The following PLEKHB2 variants were observed in gnomAD, a reference collection of about 807,000 sequenced individuals.
PLEKHB2 encodes pleckstrin homology domain-containing family B member 2.
In PLEKHB2, 31 loss-of-function variants were observed where a neutral mutation model predicts 36.5. The observed-to-expected ratio is 0.85, with a 90% confidence interval of 0.64 to 1.15. The LOEUF is 1.15. Among genes scored for constraint, PLEKHB2 ranks in the 50% most tolerant of loss-of-function variants. The pLI, the probability that PLEKHB2 is intolerant of heterozygous loss-of-function variation, is 0.00. For synonymous variants in PLEKHB2, 119 were observed against 112.0 expected (o/e 1.06, Z -0.39); for missense variants, 262 against 295.3 (o/e 0.89, Z 0.83).
In PLEKHB2 at chr2:131,120,625, C is replaced by T. The variant is rs987759723; in HGVS notation, c.-8-309C>T. The T allele has an allele frequency of 3.2e-5, 14 of 433,960 alleles. 1 individual carries two copies. In the Admixed American group the frequency reaches 3.6e-4, roughly 11 times the overall value. The allele number at this position is 433,960 out of a possible 1,614,324, so 26.9% of individuals were successfully genotyped here. A position where few individuals can be genotyped will look rare whatever the true frequency, so the allele number is the denominator to read the frequency against. On this transcript the variant is annotated intron_variant, in intron 1 of 7. Transcript: ENST00000693505. The stretch of plus-strand genomic sequence containing the variant: ...GCTCCAGCAAGCCACGAGAATCCCC[C>T]ATGTCCTTGACAGAGCTAAATCCTG...
chr2:131,132,149 A>T (rs1204942815), intron 5 of PLEKHB2, among the ~76,000 whole-genome samples: 2 of 151,940 alleles, frequency 1.3e-5, no homozygotes, highest in Admixed American at 1.3e-4. Context: ...TTTTTTTTTA[A>T]AGAGCTAACA....
chr2:131,146,789 G>GAA lies in PLEKHB2; in HGVS notation c.*17_*18insAA. ...GGTCTTCTAGGGGCCTCAAGGTCTT[G>GAA]ATGTGCATAGCTTCTGATAACCCTG... is the stretch of plus-strand genomic sequence containing the variant. On this transcript the variant is annotated 3_prime_UTR_variant, in exon 8 of 8. Coordinates refer to ENST00000693505, the MANE Select transcript of PLEKHB2 (RefSeq NM_001100623.2). 1.3e-6 allele frequency: 2 copies of GAA among 1,576,058 alleles called. No homozygotes were observed. Among genetic ancestry groups the GAA allele is most frequent in the Non-Finnish European group, 1.7e-6 (2 of 1,160,392 alleles).
intron 1 of PLEKHB2, among the ~76,000 whole-genome samples, chr2:131,111,309 A>G (rs1035048032): frequency 6.6e-6 from 1 of 150,470 alleles, no homozygotes; most frequent in African/African-American, 2.4e-5. Flanking sequence ...CCCAGCCAGC[A>G]GAATATTTTA....
At chr2:131,135,194 C>A (rs1383925112) in intron 6 of PLEKHB2, among the ~76,000 whole-genome samples, 1 of 151,928 alleles carries the variant, frequency 6.6e-6, no homozygotes, top group African/African-American at 2.4e-5. Context: ...GCCTCAGCCT[C>A]CTGAGTAGCC....
Position 131,149,486 on chromosome 2 carries a change from T to C in PLEKHB2, c.*2713T>C, listed in dbSNP as rs1471932758. The C allele has an allele frequency of 6.6e-6, 1 of 152,236 alleles. No individual in the cohort carries two copies. The highest frequency in any genetic ancestry group is 1.5e-5 in the Non-Finnish European group (1 of 68,046). 9.4% of individuals were successfully genotyped at this position (152,236 alleles called of 1,614,324 possible). A position where few individuals can be genotyped will look rare whatever the true frequency, so the allele number is the denominator to read the frequency against. ...CTTGGATACTAAAGAGAAGGAGAAC[T>C]GTGGTTAATGTTTTGGATCATCATT... On this transcript the variant is annotated 3_prime_UTR_variant, in exon 8 of 8. Coordinates refer to ENST00000693505, the MANE Select transcript of PLEKHB2 (RefSeq NM_001100623.2).
chr2:131,133,770 C>T (rs1697956273), intron 6 of PLEKHB2, among the ~76,000 whole-genome samples: 1 of 152,188 alleles, frequency 6.6e-6, no homozygotes, highest in Non-Finnish European at 1.5e-5. Flanking sequence ...ATAGTTTTAT[C>T]ATTTCAACAA....
intron 1 of PLEKHB2, among the ~76,000 whole-genome samples, chr2:131,114,941 T>C (rs1230626480): frequency 6.6e-6 from 1 of 152,248 alleles, no homozygotes; most frequent in Non-Finnish European, 1.5e-5. Flanking sequence ...AGTTATCTTT[T>C]CAGTAGCATT....
Position 131,146,977 on chromosome 2 carries a change from C to T in PLEKHB2, c.*204C>T. The stretch of plus-strand genomic sequence containing the variant: ...GCTATTTTGTTCAAATGTTGACTCT[C>T]CGGGGGCACTGGCTCATTCCAAGAC... On this transcript the variant is annotated 3_prime_UTR_variant, in exon 8 of 8. Transcript: ENST00000693505. The T allele has an allele frequency of 2.3e-6, 1 of 429,696 alleles. No homozygotes were observed. Among genetic ancestry groups the T allele is most frequent in the Non-Finnish European group, 4.1e-6 (1 of 245,498 alleles). 26.6% of individuals were successfully genotyped at this position (429,696 alleles called of 1,614,324 possible).
chr2:131,146,708 G>T lies in PLEKHB2; in HGVS notation c.604G>T (p.Ala202Ser). ...CTATCGAGACAACGACAGCGACCTGGCACTGGGCATGCTGGCAGGAGCAGC... is the reference window on the plus strand; with the variant it reads ...CTATCGAGACAACGACAGCGACCTGTCACTGGGCATGCTGGCAGGAGCAGC... ...ERYRDNDSDLALGMLAGAATG... is the reference protein window; with the variant it reads ...ERYRDNDSDLSLGMLAGAATG... Residue 202 changes from alanine (A) to serine (S), a missense_variant, in exon 8 of 8, where the codon GCA becomes TCA. Physicochemically the swap from Ala to Ser is moderately conservative, Grantham distance 99. Transcript: ENST00000693505. 3 of 1,613,968 alleles carry T rather than the reference G, an allele frequency of 1.9e-6. No individual in the cohort carries two copies. The highest frequency in any genetic ancestry group is 2.5e-6 in the Non-Finnish European group (3 of 1,179,910).
At chr2:131,118,737 G>A (rs185381879) in intron 1 of PLEKHB2, among the ~76,000 whole-genome samples, 32 of 148,962 alleles carry the variant, frequency 2.1e-4, no homozygotes, top group East Asian at 1.6e-3. Flanking sequence ...GCGTGGTGGC[G>A]GGCACCTGTA....
intron 4 of PLEKHB2, among the ~76,000 whole-genome samples, chr2:131,129,110 A>T (rs564557670): frequency 6.6e-6 from 1 of 152,360 alleles, no homozygotes; most frequent in South Asian, 2.1e-4. Flanking sequence ...GGATCACCTG[A>T]GGTCAGGAGT....
At chr2:131,113,357 A>T (rs1695523417) in intron 1 of PLEKHB2, among the ~76,000 whole-genome samples, 1 of 152,162 alleles carries the variant, frequency 6.6e-6, no homozygotes, top group Admixed American at 6.6e-5. Context: ...ACAGATGCGC[A>T]ACACTGTGCA....
At chr2:131,121,708 G>T (rs1294094370) in intron 2 of PLEKHB2, among the ~76,000 whole-genome samples, 3 of 152,124 alleles carry the variant, frequency 2.0e-5, no homozygotes, top group Non-Finnish European at 4.4e-5. Context: ...TGTGGCTGAA[G>T]AGTTGATCTG....
chr2:131,126,822 G>C, intron 4 of PLEKHB2, 36 bp downstream of exon 4: 1 of 1,209,102 alleles, frequency 8.3e-7, no homozygotes, highest in Non-Finnish European at 1.2e-6. Context: ...AATTTAAAAA[G>C]TATTTTCTAT....
In PLEKHB2 at chr2:131,122,044, G is replaced by A. The variant is rs552206038; in HGVS notation, c.37+1066G>A. ...CTCCCGAGTAGCTGGGATTACAGGC[G>A]CACGCCACCATGCCTGGCTAATTTT... On this transcript the variant is annotated intron_variant, in intron 2 of 7. Transcript: ENST00000693505. Among the ~76,000 whole-genome samples the A allele has an allele frequency of 9.9e-4, 150 of 151,976 alleles. 1 individual carries two copies. Among genetic ancestry groups the A allele is most frequent in the African/African-American group, 3.3e-3 (138 of 41,470 alleles).
intron 1 of PLEKHB2, among the ~76,000 whole-genome samples, chr2:131,106,045 C>T (rs1694692244): frequency 6.6e-6 from 1 of 152,194 alleles, no homozygotes; most frequent in South Asian, 2.1e-4. Flanking sequence ...GTCATAAGTG[C>T]TTGGTGTACC....
intron 7 of PLEKHB2, among the ~76,000 whole-genome samples, chr2:131,145,523 CAG>C (rs1358388429): frequency 6.6e-6 from 1 of 152,004 alleles, no homozygotes; most frequent in Non-Finnish European, 1.5e-5. Context: ...TTTTAAGAGA[CAG>C]GGTTTCACTG....
At chr2:131,121,003 G>A (rs778921438) in intron 2 of PLEKHB2, 25 bp downstream of exon 2, 13 of 1,610,412 alleles carry the variant, frequency 8.1e-6, no homozygotes, top group Admixed American at 3.3e-5. Context: ...TGCGGTCTGC[G>A]ATCGGCATTG....
chr2:131,132,968 G>A lies in PLEKHB2; in HGVS notation c.400G>A (p.Ala134Thr), dbSNP rs1363991594. 1 of 1,613,868 alleles carries A rather than the reference G, an allele frequency of 6.2e-7. No individual in the cohort carries two copies. The highest frequency in any genetic ancestry group is 8.5e-7 in the Non-Finnish European group (1 of 1,179,800). The change falls in exon 6 of 8, where the codon GCC becomes ACC. Residue 134 changes from alanine to threonine, a missense_variant. Physicochemically the swap from Ala to Thr is moderately conservative, Grantham distance 58 (BLOSUM62 0). Coordinates refer to ENST00000693505, the MANE Select transcript of PLEKHB2 (RefSeq NM_001100623.2). ...GGTTTCCTCACCTCCACCATACACG[G>A]CCTATGCTGCACCGGCCCCTGAGGT... Reference protein sequence around the residue: ...SVVSSPPPYTAYAAPAPEQAY... With the variant: ...SVVSSPPPYTTYAAPAPEQAY...
Sources: gnomAD v4.1 joint callset for allele counts (sites outside exome capture counted in the v4.1 genomes callset) on GRCh38, gnomAD v4.1.1 for gene constraint, MANE v1.5 for transcripts, NCBI Gene and HGNC (gene_info 2026-07-23, HGNC 2026-07-21) for gene names.